The following FAM161A variants were observed in gnomAD, a reference collection of about 807,000 sequenced individuals.
The protein encoded by FAM161A is FAM161 centrosomal protein A, also known as protein FAM161A.
FAM161A carries 57 observed loss-of-function variants against 70.9 expected under a neutral mutation model. The observed-to-expected ratio is 0.80, with a 90% CI of 0.65 to 1.00. FAM161A has a LOEUF of 1.00. Ranked by LOEUF, FAM161A falls within the 50% of genes least tolerant of loss-of-function variation. The pLI is 0.00. For synonymous variants in FAM161A, 299 were observed against 295.7 expected (o/e 1.01, Z -0.12); for missense variants, 880 against 836.0 (o/e 1.05, Z -0.65).
the FAM161A span, among the ~76,000 whole-genome samples, chr2:61,803,632 G>A: frequency 6.6e-6 from 1 of 152,154 alleles, no homozygotes; most frequent in Non-Finnish European, 1.5e-5. Context: ...TGGCCAACAT[G>A]GTGAAACCCC....
rs928348793 is a variant in FAM161A at position 61,838,585 on chromosome 2, TGA to T, written c.1702_1703del (p.Ser568ThrfsTer9). 12 of 1,612,118 alleles carry T rather than the reference TGA, an allele frequency of 7.4e-6. No homozygotes were observed. In the Admixed American group the frequency reaches 1.5e-4, roughly 20 times the overall value. ...TAGATATTTGAGCTAAACTTTGATG[TGA>T]GTCATAAGCCTTAGCCCGGGTTGTC... The part of the protein sequence containing the change: ...LLTTRAKAYD[S>X]HQSLAQISKS... On this transcript the variant is annotated frameshift_variant, in exon 4 of 7. Coordinates refer to ENST00000404929, the MANE Select transcript of FAM161A (RefSeq NM_001201543.2). LOFTEE classifies it high-confidence loss of function.
At chr2:61,816,018 A>T in the FAM161A span, among the ~76,000 whole-genome samples, 1 of 152,080 alleles carries the variant, frequency 6.6e-6, no homozygotes, top group African/African-American at 2.4e-5. Context: ...TTGAGCCCTA[A>T]ACCAGTTACT....
downstream of FAM161A, among the ~76,000 whole-genome samples, chr2:61,824,095 C>CGGCT (rs1011258816): frequency 6.0e-5 from 9 of 150,822 alleles, no homozygotes; most frequent in Admixed American, 6.6e-5. Context: ...GGTGCCATCT[C>CGGCT]GGCTCACTGC....
At chr2:61,829,425 G>A (rs934324159) in intron 5 of FAM161A, among the ~76,000 whole-genome samples, 4 of 152,092 alleles carry the variant, frequency 2.6e-5, no homozygotes, top group African/African-American at 9.7e-5. Flanking sequence ...CTGATACTCT[G>A]GAAAACTGAA....
chr2:61,844,187 G>C (rs1389929312), intron 1 of FAM161A, among the ~76,000 whole-genome samples: 1 of 151,936 alleles, frequency 6.6e-6, no homozygotes, highest in African/African-American at 2.4e-5. Flanking sequence ...GCAGAAATTT[G>C]CTACCAACAA....
chr2:61,844,953 T>A (rs895502809), intron 1 of FAM161A, among the ~76,000 whole-genome samples: 1 of 152,074 alleles, frequency 6.6e-6, no homozygotes, highest in Admixed American at 6.6e-5. Flanking sequence ...GTTTGCCAGA[T>A]CAGGGAGGCA....
chr2:61,814,899 T>C, the FAM161A span, among the ~76,000 whole-genome samples: 1 of 152,126 alleles, frequency 6.6e-6, no homozygotes, highest in African/African-American at 2.4e-5. Flanking sequence ...TCTTAAGAAA[T>C]ACAGTTATCC....
intron 1 of FAM161A, among the ~76,000 whole-genome samples, chr2:61,843,920 G>C (rs1456283616): frequency 6.6e-6 from 1 of 152,076 alleles, no homozygotes. Flanking sequence ...GAGGCAGGTG[G>C]ATCACGAGGT....
chr2:61,827,385 T>C, intron 5 of FAM161A, 127 bp from the exon 6 acceptor site: 1 of 831,706 alleles, frequency 1.2e-6, no homozygotes, highest in South Asian at 1.4e-5. Flanking sequence ...CCGAGACGGG[T>C]GGATCACGAG....
downstream of FAM161A, chr2:61,820,426 CACAAGGTGG>C: frequency 1.3e-6 from 1 of 757,682 alleles, no homozygotes; most frequent in Middle Eastern, 3.6e-4. Flanking sequence ...TGCAAGGCCA[CACAAGGTGG>C]ATGGGAGAGC....
intron 1 of FAM161A, among the ~76,000 whole-genome samples, chr2:61,848,888 ATATATATT>A (rs1673343391): frequency 5.4e-4 from 2 of 3,682 alleles, no homozygotes; most frequent in Non-Finnish European, 8.4e-4. Context: ...ATATATATTT[ATATATATT>A]TATATATATA....
intron 3 of FAM161A, 39 bp from the exon 4 acceptor site, chr2:61,838,744 A>G (rs760464253): frequency 1.6e-5 from 23 of 1,410,604 alleles, no homozygotes; most frequent in East Asian, 2.4e-5. Context: ...ACTTTAAGCC[A>G]ATCAGAATGT....
At chr2:61,823,707 G>T (rs1333913655), downstream of FAM161A, among the ~76,000 whole-genome samples, 1 of 151,988 alleles carries the variant, frequency 6.6e-6, no homozygotes, top group Non-Finnish European at 1.5e-5. Flanking sequence ...GTGTGTTTGT[G>T]TATGTGTAAA....
the FAM161A span, among the ~76,000 whole-genome samples, chr2:61,818,376 C>A: frequency 6.6e-6 from 1 of 152,124 alleles, no homozygotes; most frequent in Non-Finnish European, 1.5e-5. Flanking sequence ...TTCTGAAGAC[C>A]ATTTTCCATT....
intron 1 of FAM161A, among the ~76,000 whole-genome samples, chr2:61,853,176 C>T (rs1165164633): frequency 1.3e-5 from 2 of 152,066 alleles, no homozygotes; most frequent in Non-Finnish European, 2.9e-5. Flanking sequence ...TCCCAAAGTG[C>T]TGGGATTATA....
At chr2:61,806,237 G>T in the FAM161A span, among the ~76,000 whole-genome samples, 1 of 152,088 alleles carries the variant, frequency 6.6e-6, no homozygotes, top group African/African-American at 2.4e-5. Flanking sequence ...AAAAAAGAAA[G>T]AAAGAAATTG....
At chr2:61,851,678 T>C (rs911812350) in intron 1 of FAM161A, among the ~76,000 whole-genome samples, 12 of 152,050 alleles carry the variant, frequency 7.9e-5, no homozygotes, top group Non-Finnish European at 1.3e-4. Flanking sequence ...TAACAGGATA[T>C]GTGGACCAAC....
the FAM161A span, among the ~76,000 whole-genome samples, chr2:61,804,041 G>A: frequency 6.6e-6 from 1 of 152,174 alleles, no homozygotes; most frequent in African/African-American, 2.4e-5. Context: ...AACGGCTGCT[G>A]GTTGCCCATT....
intron 2 of FAM161A, among the ~76,000 whole-genome samples, chr2:61,841,667 G>GT (rs1311326431): frequency 2.6e-5 from 4 of 152,196 alleles, no homozygotes; most frequent in Non-Finnish European, 5.9e-5. Flanking sequence ...GACTAGATGT[G>GT]TAAGTCTCAG....
Sources: allele counts gnomAD v4.1 joint callset (sites outside exome capture counted in the v4.1 genomes callset), GRCh38; gene constraint gnomAD v4.1.1; transcripts MANE v1.5; gene names NCBI Gene and HGNC (gene_info 2026-07-23, HGNC 2026-07-21).